CAB39L: variants seen among roughly 807,000 people sequenced by gnomAD.
CAB39L encodes the protein calcium-binding protein 39-like.
CAB39L carries 23 observed loss-of-function variants against 39.1 expected under a neutral mutation model. The observed-to-expected ratio is 0.59, with a 90% CI of 0.42 to 0.83. The LOEUF is 0.83. Among genes scored for constraint, CAB39L ranks in the 40% least tolerant of loss-of-function variants. The probability of loss-of-function intolerance (pLI) is 0.00; values close to 1 mark genes in which losing one functional copy is unlikely to be tolerated. For synonymous variants in CAB39L, 126 were observed against 137.2 expected (o/e 0.92, Z 0.57); for missense variants, 366 against 391.9 (o/e 0.93, Z 0.56).
At chr13:49,326,392 T>TG (rs1430646680) in intron 10 of CAB39L, among the ~76,000 whole-genome samples, 2 of 152,188 alleles carry the variant, frequency 1.3e-5, no homozygotes, top group African/African-American at 4.8e-5. Context: ...ACAAAGACCT[T>TG]GCTCTCTTGA....
At chr13:49,333,501 T>C (rs1415271752) in intron 9 of CAB39L, among the ~76,000 whole-genome samples, 1 of 151,670 alleles carries the variant, frequency 6.6e-6, no homozygotes, top group African/African-American at 2.4e-5. Context: ...GGAAGATGTC[T>C]CCCAAATCTA....
chr13:49,434,618 G>T (rs1957379082), intron 1 of CAB39L, among the ~76,000 whole-genome samples: 1 of 151,974 alleles, frequency 6.6e-6, no homozygotes, highest in African/African-American at 2.4e-5. Flanking sequence ...CCAGCACTTT[G>T]GGAGGCCGAG....
intron 1 of CAB39L, among the ~76,000 whole-genome samples, chr13:49,439,496 G>C (rs1431915454): frequency 6.6e-6 from 1 of 152,174 alleles, no homozygotes; most frequent in African/African-American, 2.4e-5. Flanking sequence ...ATCTATCCCT[G>C]ATGGACACAT....
At chr13:49,422,617 A>T (rs1566133458) in intron 3 of CAB39L, among the ~76,000 whole-genome samples, 1 of 143,954 alleles carries the variant, frequency 6.9e-6, no homozygotes, top group African/African-American at 2.5e-5. Context: ...TTCTCCCTTA[A>T]TTTTTTTTTT....
At chr13:49,433,069 C>T (rs1957352132) in intron 3 of CAB39L, among the ~76,000 whole-genome samples, 1 of 152,168 alleles carries the variant, frequency 6.6e-6, no homozygotes, top group African/African-American at 2.4e-5. Flanking sequence ...TTAATGGGCT[C>T]ATCCATTCAT....
chr13:49,350,007 A>C (rs1955297512), intron 7 of CAB39L, among the ~76,000 whole-genome samples: 1 of 152,164 alleles, frequency 6.6e-6, no homozygotes, highest in South Asian at 2.1e-4. Context: ...AAATACAGAA[A>C]CCAAAAGTAA....
chr13:49,382,574 G>A (rs566687679), intron 4 of CAB39L: 163 of 415,658 alleles, frequency 3.9e-4, no homozygotes, highest in African/African-American at 3.3e-3. Flanking sequence ...GTGTAGTCTA[G>A]AGGGATCCGG....
At position 49,350,265 on chromosome 13, in the gene CAB39L, A is replaced by T. The variant is rs529214711; in HGVS notation, c.564+479T>A. 1.1e-4 allele frequency among the ~76,000 whole-genome samples: 16 copies of T among 152,336 alleles called. 1 individual carries two copies. In the South Asian group the frequency reaches 3.1e-3, roughly 30 times the overall value. ...TGTTTCACCATGTGGACATTTAAAAATTTCATTCATAAAATAACATGATGT... is the reference window on the plus strand; with the variant it reads ...TGTTTCACCATGTGGACATTTAAAATTTTCATTCATAAAATAACATGATGT... On this transcript the variant is annotated intron_variant, in intron 7 of 10. Transcript: ENST00000409308.
intron 9 of CAB39L, among the ~76,000 whole-genome samples, chr13:49,336,595 C>T (rs1022061864): frequency 5.9e-5 from 9 of 152,100 alleles, no homozygotes; most frequent in African/African-American, 2.2e-4. Flanking sequence ...CGATTTTGAT[C>T]CAGTATCTGA....
chr13:49,418,261 G>A (rs1365309508), intron 3 of CAB39L, among the ~76,000 whole-genome samples: 4 of 152,140 alleles, frequency 2.6e-5, no homozygotes, highest in Non-Finnish European at 4.4e-5. Flanking sequence ...AAAACACTAT[G>A]CTAAGAAGCC....
intron 5 of CAB39L, among the ~76,000 whole-genome samples, chr13:49,373,120 T>C (rs1160416829): frequency 6.6e-6 from 1 of 152,220 alleles, no homozygotes; most frequent in Non-Finnish European, 1.5e-5. Flanking sequence ...TCTTTCTCCA[T>C]GAACATCTTC....
At chr13:49,321,138 T>TA (rs1954325710) in intron 10 of CAB39L, among the ~76,000 whole-genome samples, 1 of 152,270 alleles carries the variant, frequency 6.6e-6, no homozygotes, top group Admixed American at 6.5e-5. Flanking sequence ...AAGAAGAAAG[T>TA]AAAAAAATCA....
At chr13:49,352,678 C>CT (rs1186165211) in intron 6 of CAB39L, among the ~76,000 whole-genome samples, 2 of 152,150 alleles carry the variant, frequency 1.3e-5, no homozygotes, top group Non-Finnish European at 2.9e-5. Context: ...GTAGTCCCAG[C>CT]TACTCAGGAG....
chr13:49,440,802 G>T (rs1163429571), intron 1 of CAB39L, among the ~76,000 whole-genome samples: 1 of 147,218 alleles, frequency 6.8e-6, no homozygotes, highest in Non-Finnish European at 1.5e-5. Flanking sequence ...TTGGCTCTCT[G>T]CTCCAACATT....
intron 5 of CAB39L, among the ~76,000 whole-genome samples, chr13:49,374,226 CTT>C (rs1955997528): frequency 6.6e-6 from 1 of 152,016 alleles, no homozygotes; most frequent in African/African-American, 2.4e-5. Flanking sequence ...AATTGCCTAT[CTT>C]ATTATCACAA....
chr13:49,338,530 T>G, intron 9 of CAB39L, among the ~76,000 whole-genome samples: 1 of 149,384 alleles, frequency 6.7e-6, no homozygotes, highest in African/African-American at 2.5e-5. Context: ...AGGGATAGCA[T>G]TGGGAGATAT....
intron 10 of CAB39L, among the ~76,000 whole-genome samples, chr13:49,319,564 T>C (rs971596446): frequency 1.3e-5 from 2 of 152,052 alleles, no homozygotes; most frequent in African/African-American, 4.8e-5. Flanking sequence ...GTTACTGAAT[T>C]GTACACTTTA....
chr13:49,364,884 A>G (rs1955731970), intron 5 of CAB39L, among the ~76,000 whole-genome samples: 1 of 152,252 alleles, frequency 6.6e-6, no homozygotes, highest in South Asian at 2.1e-4. Context: ...CGTAATCTAC[A>G]GGTTCAATGC....
intron 5 of CAB39L, among the ~76,000 whole-genome samples, chr13:49,370,543 A>G (rs575139130): frequency 3.9e-5 from 6 of 152,218 alleles, no homozygotes; most frequent in Non-Finnish European, 8.8e-5. Flanking sequence ...CCACTTGCAG[A>G]TCATTCAGCT....
Sources: allele counts gnomAD v4.1 joint callset (sites outside exome capture counted in the v4.1 genomes callset), GRCh38; gene constraint gnomAD v4.1.1; transcripts MANE v1.5; gene names NCBI Gene and HGNC (gene_info 2026-07-23, HGNC 2026-07-21).